The following PRKCI variants were observed in gnomAD, a reference collection of about 807,000 sequenced individuals.
The protein encoded by PRKCI is protein kinase C iota.
A neutral mutation model predicts 84.0 loss-of-function variants in PRKCI; 43 were observed. The ratio of observed to expected loss-of-function variants is 0.51; its 90% CI spans 0.40 to 0.66. The LOEUF (loss-of-function observed/expected upper bound fraction) is 0.66, where lower values mean the gene tolerates loss of function less well. Among genes scored for constraint, PRKCI ranks in the 30% least tolerant of loss-of-function variants. The pLI is 0.00. For missense variants in PRKCI, 459 were observed against 745.6 expected, an observed-to-expected ratio of 0.62 and a Z score of 4.48; for synonymous variants, 216 against 234.4, an observed-to-expected ratio of 0.92 and a Z score of 0.72.
chr3:170,229,040 G>C (rs1732714583), intron 1 of PRKCI, among the ~76,000 whole-genome samples: 1 of 152,000 alleles, frequency 6.6e-6, no homozygotes, highest in African/African-American at 2.4e-5. Context: ...TGCTGGTGTA[G>C]AAGACGTGAT....
At chr3:170,231,742 G>A (rs1732799678) in intron 1 of PRKCI, among the ~76,000 whole-genome samples, 1 of 152,192 alleles carries the variant, frequency 6.6e-6, no homozygotes, top group African/African-American at 2.4e-5. Context: ...TAGGATTACA[G>A]GTGTGAGCCA....
chr3:170,276,834 A>G (rs942123043), intron 8 of PRKCI, among the ~76,000 whole-genome samples: 1 of 152,180 alleles, frequency 6.6e-6, no homozygotes, highest in Admixed American at 6.5e-5. Flanking sequence ...AGAATCCACC[A>G]ATAAACAGAC....
chr3:170,255,466 G>T (rs1376176901), intron 2 of PRKCI, among the ~76,000 whole-genome samples: 3 of 152,030 alleles, frequency 2.0e-5, no homozygotes, highest in Non-Finnish European at 4.4e-5. Flanking sequence ...ATTTGCTGTG[G>T]CATATAGAAA....
chr3:170,252,855 T>C (rs1317488820), intron 2 of PRKCI, among the ~76,000 whole-genome samples: 1 of 152,192 alleles, frequency 6.6e-6, no homozygotes, highest in African/African-American at 2.4e-5. Context: ...GAGTATAGTT[T>C]TGTACCCACT....
At chr3:170,235,049 G>A (rs936243145) in intron 1 of PRKCI, among the ~76,000 whole-genome samples, 181 bp from the exon 2 acceptor site, 3 of 152,040 alleles carry the variant, frequency 2.0e-5, no homozygotes, top group African/African-American at 7.2e-5. Flanking sequence ...CAAAGTGCAT[G>A]AGCCACCGTG....
intron 12 of PRKCI, chr3:170,291,542 C>G (rs1201568973): frequency 4.3e-6 from 1 of 230,086 alleles, no homozygotes; most frequent in East Asian, 9.5e-5. Context: ...ACTAAAAATA[C>G]AAAAATTAGC....
At chr3:170,281,800 CT>C (rs1734257535) in intron 10 of PRKCI, 81 bp from the exon 11 acceptor site, 17 of 1,493,964 alleles carry the variant, frequency 1.1e-5, no homozygotes, top group Non-Finnish European at 1.5e-5. Context: ...AGAATGCTCT[CT>C]GTTGTGATGG....
At chr3:170,281,828 G>A in intron 10 of PRKCI, 54 bp from the exon 11 acceptor site, 2 of 1,527,778 alleles carry the variant, frequency 1.3e-6, no homozygotes, top group East Asian at 4.8e-5. Flanking sequence ...AAAATGCAAA[G>A]TTACACTACC....
At chr3:170,292,512 T>C (rs144158738) in intron 13 of PRKCI, among the ~76,000 whole-genome samples, 9 of 152,288 alleles carry the variant, frequency 5.9e-5, no homozygotes, top group African/African-American at 2.2e-4. Context: ...TCAGCAGATA[T>C]AAAGGACAAT....
intron 2 of PRKCI, among the ~76,000 whole-genome samples, chr3:170,243,074 A>G (rs1733176915): frequency 6.6e-6 from 1 of 152,098 alleles, no homozygotes; most frequent in South Asian, 2.1e-4. Flanking sequence ...ATATATATGT[A>G]TACATAATAT....
chr3:170,226,286 T>C (rs1257119119), intron 1 of PRKCI, among the ~76,000 whole-genome samples: 3 of 152,208 alleles, frequency 2.0e-5, no homozygotes, highest in African/African-American at 7.2e-5. Context: ...ACATCTTACT[T>C]AGATGCCTTT....
intron 2 of PRKCI, among the ~76,000 whole-genome samples, chr3:170,245,949 G>GTTTTTTTTTTTTTTTTT (rs112482352): frequency 3.6e-5 from 3 of 82,454 alleles, no homozygotes; most frequent in African/African-American, 1.5e-4. Context: ...TTATGTCTTT[G>GTTTTTTTTTTTTTTTTT]TTTTTTTTTT....
intron 14 of PRKCI, among the ~76,000 whole-genome samples, chr3:170,293,894 T>G (rs1181914289): frequency 6.6e-6 from 1 of 152,202 alleles, no homozygotes; most frequent in Non-Finnish European, 1.5e-5. Context: ...TTGGCCAGGC[T>G]GGTCTTGAAC....
At chr3:170,253,780 G>A (rs1016543512) in intron 2 of PRKCI, among the ~76,000 whole-genome samples, 1 of 151,718 alleles carries the variant, frequency 6.6e-6, no homozygotes, top group Non-Finnish European at 1.5e-5. Flanking sequence ...GACAGAGCAA[G>A]ACTCCATCTA....
intron 1 of PRKCI, 31 bp downstream of exon 1, chr3:170,222,801 G>C (rs376763511): frequency 3.1e-6 from 4 of 1,279,130 alleles, no homozygotes; most frequent in Non-Finnish European, 4.5e-6. Context: ...CGGTGGGCGG[G>C]AGGGGACAGG....
chr3:170,272,660 A>G (rs747535629), intron 6 of PRKCI, among the ~76,000 whole-genome samples: 16 of 152,214 alleles, frequency 1.1e-4, no homozygotes, highest in Non-Finnish European at 1.8e-4. Context: ...TGCTAACTGT[A>G]TCATTAATGT....
At chr3:170,254,659 C>T (rs1031935645) in intron 2 of PRKCI, among the ~76,000 whole-genome samples, 4 of 152,136 alleles carry the variant, frequency 2.6e-5, no homozygotes, top group African/African-American at 9.7e-5. Flanking sequence ...TTTCTGGGTT[C>T]TCTCTTCTGT....
At chr3:170,253,904 C>T (rs1042629363) in intron 2 of PRKCI, among the ~76,000 whole-genome samples, 6 of 151,922 alleles carry the variant, frequency 3.9e-5, no homozygotes, top group Admixed American at 3.9e-4. Context: ...CCAGACCAGC[C>T]AGGCCAACAT....
intron 12 of PRKCI, among the ~76,000 whole-genome samples, 166 bp downstream of exon 12, chr3:170,284,762 C>G (rs376844156): frequency 2.0e-5 from 3 of 152,118 alleles, no homozygotes; most frequent in Non-Finnish European, 4.4e-5. Context: ...TAACCATTTG[C>G]AAAATTTGTA....
Sources: gnomAD v4.1 joint callset for allele counts (sites outside exome capture counted in the v4.1 genomes callset) on GRCh38, gnomAD v4.1.1 for gene constraint, MANE v1.5 for transcripts, NCBI Gene and HGNC (gene_info 2026-07-23, HGNC 2026-07-21) for gene names.